Variants in OVCH1 observed in about 807,000 individuals in gnomAD.
OVCH1 encodes ovochymase 1.
Under a neutral mutation model 138.4 loss-of-function variants are expected in OVCH1, and 139 were observed. The observed-to-expected ratio is 1.00, with a 90% CI of 0.87 to 1.16. The LOEUF (loss-of-function observed/expected upper bound fraction) is 1.16, where lower values mean the gene tolerates loss of function less well. Among genes scored for constraint, OVCH1 ranks in the 50% most tolerant of loss-of-function variants. The probability of loss-of-function intolerance (pLI) is 0.00; values close to 1 mark genes in which losing one functional copy is unlikely to be tolerated. For missense variants in OVCH1, 1,367 were observed against 1,357.9 expected (o/e 1.01, Z -0.11); for synonymous variants, 453 against 467.8 (o/e 0.97, Z 0.41).
chr12:29,424,908 TAGAC>T (rs1248739589), downstream of OVCH1, among the ~76,000 whole-genome samples: 5 of 152,192 alleles, frequency 3.3e-5, no homozygotes, highest in Non-Finnish European at 5.9e-5. Context: ...AGCAAATTAT[TAGAC>T]AGATGGTTTT....
At chr12:29,488,620 CAAAAAAAAAAAAAA>C (rs67595567) in intron 6 of OVCH1, among the ~76,000 whole-genome samples, 2 of 61,752 alleles carry the variant, frequency 3.2e-5, no homozygotes, top group Non-Finnish European at 5.8e-5. Context: ...GACTCCATCT[CAAAAAAAAAAAAAA>C]AAAAAAAAAG....
At chr12:29,421,933 T>G (rs1465828031) in intron 3 of OVCH1, among the ~76,000 whole-genome samples, 1 of 152,152 alleles carries the variant, frequency 6.6e-6, no homozygotes, top group Admixed American at 6.6e-5. Context: ...AATATTATGT[T>G]AAAACTCATT....
intron 1 of OVCH1, 116 bp from the exon 2 acceptor site, chr12:29,496,790 C>T: frequency 1.4e-6 from 1 of 693,242 alleles, no homozygotes; most frequent in Non-Finnish European, 2.4e-6. Flanking sequence ...TAGCACTTAG[C>T]TGCAGACTAC....
downstream of OVCH1, among the ~76,000 whole-genome samples, chr12:29,426,646 T>C: frequency 6.6e-6 from 1 of 152,224 alleles, no homozygotes; most frequent in East Asian, 1.9e-4. Flanking sequence ...TCTCACATCA[T>C]AAACCTAAGA....
intron 8 of OVCH1, among the ~76,000 whole-genome samples, chr12:29,482,679 T>C (rs572046487): frequency 1.3e-5 from 2 of 152,230 alleles, no homozygotes; most frequent in African/African-American, 2.4e-5. Flanking sequence ...CTTCTGATCC[T>C]ACAGTTCTGC....
At chr12:29,403,620 A>G in the OVCH1 span, among the ~76,000 whole-genome samples, 3 of 152,202 alleles carry the variant, frequency 2.0e-5, no homozygotes, top group Non-Finnish European at 4.4e-5. Context: ...GGATTGAGAC[A>G]ACCTGAGTCT....
At chr12:29,473,166 G>A in intron 14 of OVCH1, 63 bp from the exon 15 acceptor site, 1 of 1,160,624 alleles carries the variant, frequency 8.6e-7, no homozygotes, top group South Asian at 1.3e-5. Context: ...GACCCCACTT[G>A]CTTACCCTGG....
chr12:29,425,433 A>G (rs1565564497), downstream of OVCH1, among the ~76,000 whole-genome samples: 1 of 152,186 alleles, frequency 6.6e-6, no homozygotes, highest in Non-Finnish European at 1.5e-5. Flanking sequence ...CCTTGAAGAT[A>G]TGACCTGGAA....
chr12:29,409,507 G>T (rs1241874306), downstream of OVCH1, among the ~76,000 whole-genome samples: 1 of 151,760 alleles, frequency 6.6e-6, no homozygotes, highest in Non-Finnish European at 1.5e-5. Context: ...GGTATGTTGT[G>T]TCTTTGTTCT....
chr12:29,495,317 G>A, exon 4 of OVCH1: 1 of 1,612,654 alleles, frequency 6.2e-7, no homozygotes, highest in Admixed American at 1.7e-5. Flanking sequence ...ATACAGCAGT[G>A]CAATATCAGG....
chr12:29,491,145 C>T (rs1315024846), exon 5 of OVCH1: 1 of 1,613,766 alleles, frequency 6.2e-7, no homozygotes, highest in Admixed American at 1.7e-5. Context: ...ATTCCTGGTT[C>T]AACTTTATCA....
intron 26 of OVCH1, among the ~76,000 whole-genome samples, chr12:29,435,134 A>G (rs1005840793): frequency 2.0e-5 from 3 of 152,322 alleles, no homozygotes; most frequent in South Asian, 2.1e-4. Flanking sequence ...ATAACAGGCA[A>G]GTTGCAGTAA....
chr12:29,432,501 C>T (rs1257553193), intron 27 of OVCH1, among the ~76,000 whole-genome samples: 1 of 152,006 alleles, frequency 6.6e-6, no homozygotes, highest in Non-Finnish European at 1.5e-5. Context: ...GGAGGAAGAG[C>T]TTGGAGGCAG....
At chr12:29,457,499 T>C (rs954309619) in intron 19 of OVCH1, among the ~76,000 whole-genome samples, 5 of 141,026 alleles carry the variant, frequency 3.5e-5, no homozygotes, top group African/African-American at 8.0e-5. Context: ...CGCCTCCTGG[T>C]TTCAAGCGAT....
At chr12:29,440,574 C>G (rs1042819760) in intron 25 of OVCH1, 2 of 328,676 alleles carry the variant, frequency 6.1e-6, no homozygotes, top group African/African-American at 4.4e-5. Context: ...TTATTTAATT[C>G]TCAAAACAAC....
the OVCH1 span, among the ~76,000 whole-genome samples, chr12:29,407,022 G>A: frequency 5.4e-4 from 82 of 152,000 alleles, 1 homozygote; most frequent in Middle Eastern, 6.8e-3. Context: ...ATGGTATCTC[G>A]TTGTGGTTTT....
intron 3 of OVCH1, among the ~76,000 whole-genome samples, chr12:29,422,523 G>C (rs1284274458): frequency 2.0e-5 from 3 of 152,086 alleles, no homozygotes; most frequent in African/African-American, 4.8e-5. Context: ...TTTAATTGAT[G>C]GTATGTGTAT....
chr12:29,444,629 CTTAA>C (rs1354106952), intron 23 of OVCH1, among the ~76,000 whole-genome samples: 5 of 151,974 alleles, frequency 3.3e-5, no homozygotes, highest in African/African-American at 7.2e-5. Context: ...TGCTTTATTA[CTTAA>C]TTAACTTTTT....
At chr12:29,430,957 A>G (rs1565566828) in intron 27 of OVCH1, 4 of 514,406 alleles carry the variant, frequency 7.8e-6, no homozygotes, top group African/African-American at 1.9e-5. Flanking sequence ...ACGGTTTGCT[A>G]AGGCACCAAG....
Sources: gnomAD v4.1 joint callset for allele counts (sites outside exome capture counted in the v4.1 genomes callset) on GRCh38, gnomAD v4.1.1 for gene constraint, MANE v1.5 for transcripts, NCBI Gene and HGNC (gene_info 2026-07-23, HGNC 2026-07-21) for gene names.